Variants in CSMD1 observed in about 807,000 individuals in gnomAD.
CSMD1 encodes the protein CUB and Sushi multiple domains 1.
A neutral mutation model predicts 417.5 loss-of-function variants in CSMD1; 213 were observed. The ratio of observed to expected loss-of-function variants is 0.51; its 90% CI spans 0.46 to 0.57. CSMD1 has a LOEUF of 0.57. Among genes scored for constraint, CSMD1 ranks in the 20% least tolerant of loss-of-function variants. The pLI is 0.00. For missense variants in CSMD1, 6,923 were observed against 4,529.7 expected (o/e 1.53, Z -15.17); for synonymous variants, 2,862 against 1,736.8 (o/e 1.65, Z -16.11).
intron 5 of CSMD1, among the ~76,000 whole-genome samples, chr8:3,952,391 T>C (rs2129889052): frequency 6.6e-6 from 1 of 152,366 alleles, no homozygotes; most frequent in African/African-American, 2.4e-5. Flanking sequence ...TTCTACTTAG[T>C]TTCTTCATTA....
At chr8:3,263,624 G>C (rs976302111) in intron 26 of CSMD1, among the ~76,000 whole-genome samples, 3 of 152,074 alleles carry the variant, frequency 2.0e-5, no homozygotes, top group African/African-American at 7.2e-5. Context: ...TTATATTTTT[G>C]AGAGATTGAT....
chr8:3,353,209 A>C (rs1808529646), intron 21 of CSMD1, among the ~76,000 whole-genome samples: 2 of 152,320 alleles, frequency 1.3e-5, no homozygotes, highest in Non-Finnish European at 2.9e-5. Context: ...CTGCTGAGGG[A>C]AGCAACTTTC....
chr8:3,806,397 G>C (rs1800742851), intron 5 of CSMD1, among the ~76,000 whole-genome samples: 1 of 152,174 alleles, frequency 6.6e-6, no homozygotes, highest in Non-Finnish European at 1.5e-5. Flanking sequence ...GGACACAAAA[G>C]CGTGTGTGAA....
chr8:4,967,374 C>G (rs1809937543), intron 1 of CSMD1, among the ~76,000 whole-genome samples: 1 of 152,042 alleles, frequency 6.6e-6, no homozygotes, highest in African/African-American at 2.4e-5. Context: ...TAATCACTGC[C>G]ATGATAAAGC....
At chr8:3,747,018 A>G (rs114573887) in intron 6 of CSMD1, among the ~76,000 whole-genome samples, 1,628 of 152,338 alleles carry the variant, frequency 0.011, 7 homozygotes, top group African/African-American at 0.021. Flanking sequence ...TAGGAATTTT[A>G]TTTCATAAAA....
intron 1 of CSMD1, among the ~76,000 whole-genome samples, chr8:4,807,822 TTAA>T (rs1448867465): frequency 1.1e-4 from 16 of 152,264 alleles, no homozygotes; most frequent in Non-Finnish European, 4.4e-5. Flanking sequence ...AGCCATAATA[TTAA>T]TAATAATAGC....
At chr8:3,838,670 TAATATTATATA>T in intron 5 of CSMD1, among the ~76,000 whole-genome samples, 1 of 107,536 alleles carries the variant, frequency 9.3e-6, no homozygotes, top group African/African-American at 4.1e-5. Context: ...TATAATAAAT[TAATATTATATA>T]GTATAATATA....
In CSMD1 at chr8:4,208,735, G is replaced by A. The variant is rs986394835; in HGVS notation, c.416-176636C>T. Among the ~76,000 whole-genome samples the A allele has an allele frequency of 3.3e-5, 5 of 152,116 alleles. No individual in the cohort carries two copies. In the South Asian group the frequency reaches 6.2e-4, roughly 19 times the overall value. The stretch of plus-strand genomic sequence containing the variant: ...CAGAATTAAGGCAATAAAAAGCATG[G>A]AATATGGAGAATATATTGTCGTGGA... On this transcript the variant is annotated intron_variant, in intron 3 of 69. Transcript: ENST00000635120.
intron 4 of CSMD1, among the ~76,000 whole-genome samples, chr8:4,018,015 C>A (rs1258577888): frequency 6.6e-6 from 1 of 152,118 alleles, no homozygotes; most frequent in South Asian, 2.1e-4. Context: ...TATGGTTTGT[C>A]CACTCGTAAC....
At chr8:4,126,905 C>G (rs548978052) in intron 3 of CSMD1, among the ~76,000 whole-genome samples, 6 of 152,232 alleles carry the variant, frequency 3.9e-5, no homozygotes, top group Non-Finnish European at 8.8e-5. Flanking sequence ...GGTTAGAACA[C>G]AGGCTCTCAC....
rs999238017 is a variant in CSMD1, at chr8:4,934,120, C to G, written c.85+60212G>C. 2.0e-5 allele frequency among the ~76,000 whole-genome samples: 3 copies of G among 152,132 alleles called. No homozygotes were observed. The South Asian group carries it at 6.2e-4, about 32-fold the overall frequency. On this transcript the variant is annotated intron_variant, in intron 1 of 69. Transcript: ENST00000635120. ...GCAGCCGTGAGCACCAGGGAGAGAC[C>G]TTTGACAAGGAACTCCTGGCCCAGT...
At chr8:3,127,996 G>A (rs565909337) in intron 41 of CSMD1, 4 of 145,396 alleles carry the variant, frequency 2.8e-5, no homozygotes, top group African/African-American at 7.5e-5. Flanking sequence ...AGGGAGGGAG[G>A]GACTTAACTT....
chr8:4,045,725 T>C (rs1227571087), intron 3 of CSMD1, among the ~76,000 whole-genome samples: 2 of 152,178 alleles, frequency 1.3e-5, no homozygotes. Flanking sequence ...AAGACTAAAA[T>C]AAAACGTGTG....
chr8:4,171,980 A>G (rs1195621376), intron 3 of CSMD1, among the ~76,000 whole-genome samples: 1 of 152,154 alleles, frequency 6.6e-6, no homozygotes, highest in African/African-American at 2.4e-5. Flanking sequence ...AGCATCCTTC[A>G]TTTGAATATC....
In CSMD1 at chr8:4,852,279, T is replaced by C. The variant is rs918093685; in HGVS notation, c.85+142053A>G. Among the ~76,000 whole-genome samples, 4 of 151,948 alleles carry C rather than the reference T, an allele frequency of 2.6e-5. 1 individual carries two copies. The highest frequency in any genetic ancestry group is 5.9e-5 in the Non-Finnish European group (4 of 67,998). On this transcript the variant is annotated intron_variant, in intron 1 of 69. Coordinates refer to ENST00000635120, the MANE Select transcript of CSMD1 (RefSeq NM_033225.6). ...TTTGGAGGTGGGGCCTTGTGGGAGG[T>C]GCTGGGGTTGTGGGAGCTGATCCCT... is the stretch of plus-strand genomic sequence containing the variant.
chr8:3,853,029 T>C (rs557392515), intron 5 of CSMD1, among the ~76,000 whole-genome samples: 152 of 152,112 alleles, frequency 1.0e-3, no homozygotes, highest in Non-Finnish European at 1.8e-3. Flanking sequence ...TCCAACTACA[T>C]CTCCCGTCCT....
chr8:3,689,420 G>A (rs894038807), intron 7 of CSMD1, among the ~76,000 whole-genome samples: 1 of 152,174 alleles, frequency 6.6e-6, no homozygotes, highest in African/African-American at 2.4e-5. Context: ...CAGGAAGAAA[G>A]GAAATGGCGG....
intron 12 of CSMD1, among the ~76,000 whole-genome samples, chr8:3,424,328 A>G (rs143134386): frequency 1.6e-3 from 245 of 152,336 alleles, no homozygotes; most frequent in African/African-American, 5.7e-3. Flanking sequence ...ATCTGACTTA[A>G]TAATCTCTGA....
chr8:4,259,985 A>C (rs1357241295), intron 3 of CSMD1, among the ~76,000 whole-genome samples: 1 of 151,696 alleles, frequency 6.6e-6, no homozygotes, highest in Non-Finnish European at 1.5e-5. Flanking sequence ...TTGATAACAG[A>C]CCTATAAAGC....
Sources: gnomAD v4.1 joint callset for allele counts (sites outside exome capture counted in the v4.1 genomes callset) on GRCh38, gnomAD v4.1.1 for gene constraint, MANE v1.5 for transcripts, NCBI Gene and HGNC (gene_info 2026-07-23, HGNC 2026-07-21) for gene names.